The following RAB30 variants were observed in gnomAD, a reference collection of about 807,000 sequenced individuals.
RAB30 encodes ras-related protein Rab-30.
A neutral mutation model predicts 25.1 loss-of-function variants in RAB30; 9 were observed. The ratio of observed to expected loss-of-function variants is 0.36; its 90% CI spans 0.22 to 0.63. The LOEUF is 0.63. Among genes scored for constraint, RAB30 ranks in the 20% least tolerant of loss-of-function variants. RAB30 has a pLI of 0.69. For missense variants in RAB30, 140 were observed against 243.5 expected, an observed-to-expected ratio of 0.58 and a Z score of 2.83; for synonymous variants, 77 against 86.4, an observed-to-expected ratio of 0.89 and a Z score of 0.60.
intron 1 of RAB30, among the ~76,000 whole-genome samples, chr11:83,040,630 A>T (rs889732770): frequency 6.6e-6 from 1 of 152,150 alleles, no homozygotes; most frequent in Admixed American, 6.5e-5. Context: ...ACTATTTTGA[A>T]CTTAAAATAA....
chr11:83,025,067 A>G (rs745920776), intron 1 of RAB30, among the ~76,000 whole-genome samples: 1 of 152,250 alleles, frequency 6.6e-6, no homozygotes, highest in African/African-American at 2.4e-5. Flanking sequence ...AGCAACTTGG[A>G]GAACACACTT....
In RAB30 at chr11:82,974,602, C is replaced by T. The variant is rs1055485437; in HGVS notation, c.*7563G>A. The stretch of plus-strand genomic sequence containing the variant: ...ATATCCTATGCTTAAAACCAATAGC[C>T]AAATATCAAGAATCGAGTTCATAAA... On this transcript the variant is annotated 3_prime_UTR_variant, in exon 5 of 5. Transcript: ENST00000527633. 2.0e-5 allele frequency: 3 copies of T among 152,004 alleles called. No individual in the cohort carries two copies. Among genetic ancestry groups the T allele is most frequent in the African/African-American group, 7.3e-5 (3 of 41,376 alleles). The allele number at this position is 152,004 out of a possible 1,614,324, so 9.4% of individuals were successfully genotyped here. A position where few individuals can be genotyped will look rare whatever the true frequency, so the allele number is the denominator to read the frequency against.
At chr11:83,001,447 G>A (rs978264616) in intron 1 of RAB30, among the ~76,000 whole-genome samples, 3 of 152,138 alleles carry the variant, frequency 2.0e-5, no homozygotes, top group African/African-American at 4.8e-5. Context: ...CCAAAGTGCT[G>A]GGATTACAGG....
At chr11:83,060,500 T>C (rs1487473061) in intron 1 of RAB30, among the ~76,000 whole-genome samples, 1 of 152,182 alleles carries the variant, frequency 6.6e-6, no homozygotes, top group African/African-American at 2.4e-5. Flanking sequence ...TCAAACCTCA[T>C]GTCACCAGTG....
intron 4 of RAB30, 104 bp downstream of exon 4, chr11:82,987,483 G>T: frequency 2.6e-6 from 3 of 1,163,838 alleles, no homozygotes; most frequent in Non-Finnish European, 2.4e-6. Flanking sequence ...TGAATTATTA[G>T]CTAAAGACTA....
chr11:83,050,279 T>C (rs574496491), intron 1 of RAB30, among the ~76,000 whole-genome samples: 3 of 151,858 alleles, frequency 2.0e-5, no homozygotes, highest in African/African-American at 7.2e-5. Flanking sequence ...ACTTTAATAA[T>C]AGGACCTGAA....
chr11:83,060,979 T>C (rs1454725090), intron 1 of RAB30, among the ~76,000 whole-genome samples: 2 of 152,110 alleles, frequency 1.3e-5, no homozygotes, highest in African/African-American at 4.8e-5. Flanking sequence ...GGACAACAAC[T>C]CCAGGCTACC....
chr11:83,071,070 C>A (rs1236892725), intron 1 of RAB30, among the ~76,000 whole-genome samples: 3 of 152,224 alleles, frequency 2.0e-5, no homozygotes. Context: ...CCTGAAAGAA[C>A]CTTCGCCAGA....
chr11:83,050,237 C>G (rs1166854135), intron 1 of RAB30, among the ~76,000 whole-genome samples: 1 of 151,352 alleles, frequency 6.6e-6, no homozygotes, highest in East Asian at 1.9e-4. Context: ...ACCTGGGCAA[C>G]AGAGCAAGAC....
chr11:83,050,263 A>T (rs1456938187), intron 1 of RAB30, among the ~76,000 whole-genome samples: 1 of 152,068 alleles, frequency 6.6e-6, no homozygotes. Flanking sequence ...CTTAAAAAAA[A>T]AAAAGACTTT....
intron 1 of RAB30, among the ~76,000 whole-genome samples, chr11:83,039,595 C>G (rs1858061108): frequency 6.6e-6 from 1 of 152,130 alleles, no homozygotes; most frequent in South Asian, 2.1e-4. Context: ...GGGAGGATCA[C>G]TTGAGCCTGG....
rs185178765 is a variant in RAB30 at position 83,031,698 on chromosome 11, T to C, written c.-8-34374A>G. Among the ~76,000 whole-genome samples, 24 of 152,276 alleles carry C rather than the reference T, an allele frequency of 1.6e-4. No homozygotes were observed. In the East Asian group the frequency reaches 3.9e-3, roughly 25 times the overall value. ...ATGTGCCATCATACCTGGCTAATTT[T>C]GTATTTTTAGGAGAGATGGGGTTTC... On this transcript the variant is annotated intron_variant, in intron 1 of 4. Coordinates refer to ENST00000527633, the MANE Select transcript of RAB30 (RefSeq NM_001286060.2).
rs1239975240 is a variant in RAB30, at chr11:82,973,757, T to C, written c.*8408A>G. ...GATTTGATTTGATTTGTCAGACTAA[T>C]TGTTTTTAAGAGAGATGTGAAAACA... On this transcript the variant is annotated 3_prime_UTR_variant, in exon 5 of 5. Coordinates refer to ENST00000527633, the MANE Select transcript of RAB30 (RefSeq NM_001286060.2). The C allele has an allele frequency of 1.3e-5, 2 of 152,218 alleles. No homozygotes were observed. Among genetic ancestry groups the C allele is most frequent in the Non-Finnish European group, 2.9e-5 (2 of 68,020 alleles). 9.4% of individuals were successfully genotyped at this position (152,218 alleles called of 1,614,324 possible).
chr11:82,984,405 C>T (rs925360537), intron 4 of RAB30, among the ~76,000 whole-genome samples: 24 of 152,140 alleles, frequency 1.6e-4, no homozygotes, highest in African/African-American at 4.6e-4. Context: ...ATACTAGAAT[C>T]GTCTGGGGGT....
At chr11:83,035,731 G>C (rs117999047) in intron 1 of RAB30, 2 of 152,382 alleles carry the variant, frequency 1.3e-5, no homozygotes, top group East Asian at 3.9e-4. Context: ...TCTGTGTTCA[G>C]CTCTCCAGTG....
Position 83,071,894 on chromosome 11 carries a change from C to G in RAB30, c.-212G>C. The G allele has an allele frequency of 2.6e-6, 1 of 391,018 alleles. No individual in the cohort carries two copies. The highest frequency in any genetic ancestry group is 1.4e-4 in the South Asian group (1 of 6,964). The allele number at this position is 391,018 out of a possible 1,614,324, so 24.2% of individuals were successfully genotyped here. ...AGCAGGGGGTGGAGAGACCGTAGCACAATGAATGCAGTGGGGCTTTTGCAA... is the reference window on the plus strand; with the variant it reads ...AGCAGGGGGTGGAGAGACCGTAGCAGAATGAATGCAGTGGGGCTTTTGCAA... On this transcript the variant is annotated 5_prime_UTR_variant, in exon 1 of 5. Transcript: ENST00000527633.
At chr11:83,043,299 C>A (rs928361259) in intron 1 of RAB30, among the ~76,000 whole-genome samples, 5 of 152,302 alleles carry the variant, frequency 3.3e-5, no homozygotes, top group Non-Finnish European at 5.9e-5. Context: ...CGACTTAGAC[C>A]AGCCAGCTCC....
chr11:83,018,509 T>C (rs922959491), intron 1 of RAB30, among the ~76,000 whole-genome samples: 23 of 152,214 alleles, frequency 1.5e-4, no homozygotes, highest in Admixed American at 1.1e-3. Context: ...TGTCTATTTA[T>C]GTCCTTTGAC....
In RAB30 at chr11:82,977,465, C is replaced by T. The variant is rs759578996; in HGVS notation, c.*4700G>A. ...TTAATAGGTCACCTGCTCCAATCTCCAACCAATTGGATCCTCTCCACATCT... is the reference window on the plus strand; with the variant it reads ...TTAATAGGTCACCTGCTCCAATCTCTAACCAATTGGATCCTCTCCACATCT... On this transcript the variant is annotated 3_prime_UTR_variant, in exon 5 of 5. Transcript: ENST00000527633. The T allele has an allele frequency of 2.6e-5, 4 of 152,174 alleles. No individual in the cohort carries two copies. The highest frequency in any genetic ancestry group is 6.5e-5 in the Admixed American group (1 of 15,278). The allele number at this position is 152,174 out of a possible 1,614,324, so 9.4% of individuals were successfully genotyped here. A position where few individuals can be genotyped will look rare whatever the true frequency, so the allele number is the denominator to read the frequency against.
Sources: gnomAD v4.1 joint callset for allele counts (sites outside exome capture counted in the v4.1 genomes callset) on GRCh38, gnomAD v4.1.1 for gene constraint, MANE v1.5 for transcripts, NCBI Gene and HGNC (gene_info 2026-07-23, HGNC 2026-07-21) for gene names.